The following STOX1 variants were observed in gnomAD, a reference collection of about 807,000 sequenced individuals.
STOX1 encodes the protein storkhead-box protein 1.
A neutral mutation model predicts 74.8 loss-of-function variants in STOX1; 57 were observed. The ratio of observed to expected loss-of-function variants is 0.76; its 90% CI spans 0.62 to 0.95. STOX1 has a LOEUF of 0.95. STOX1 is among the 40% of genes least tolerant of loss of function. The pLI, the probability that STOX1 is intolerant of heterozygous loss-of-function variation, is 0.00. For synonymous variants in STOX1, 375 were observed against 401.3 expected (o/e 0.93, Z 0.78); for missense variants, 1,010 against 1,117.0 (o/e 0.90, Z 1.37).
In STOX1 at chr10:68,882,063, T is replaced by C. The variant is rs1239501064; in HGVS notation, c.416T>C (p.Val139Ala). The C allele has an allele frequency of 3.1e-6, 5 of 1,613,842 alleles. No individual in the cohort carries two copies. The highest frequency in any genetic ancestry group is 4.2e-6 in the Non-Finnish European group (5 of 1,179,922). The change falls in exon 2 of 4, where the codon GTA becomes GCA. Residue 139 changes from valine to alanine, a missense_variant. Coordinates refer to ENST00000298596, the MANE Select transcript of STOX1 (RefSeq NM_152709.5). ...TCTGATATGAATACAGCTCAGATTG[T>C]AGTAACGCAGGAATCACTTTTGGAG... Reference protein sequence around the residue: ...AISDMNTAQIVVTQESLLERL... With the variant: ...AISDMNTAQIAVTQESLLERL...
At chr10:68,893,836 G>A (rs1589241533), downstream of STOX1, among the ~76,000 whole-genome samples, 7 of 152,292 alleles carry the variant, frequency 4.6e-5, no homozygotes, top group South Asian at 1.2e-3. Flanking sequence ...TGAATGAGAG[G>A]TTTAGAGAAA....
At chr10:68,829,675 C>G (rs1839356335) in intron 1 of STOX1, among the ~76,000 whole-genome samples, 2 of 152,118 alleles carry the variant, frequency 1.3e-5, no homozygotes, top group Non-Finnish European at 2.9e-5. Flanking sequence ...TGCTTTAAAC[C>G]TTCACTTCTC....
intron 1 of STOX1, among the ~76,000 whole-genome samples, chr10:68,878,924 C>T (rs1840744585): frequency 6.6e-6 from 1 of 152,180 alleles, no homozygotes; most frequent in African/African-American, 2.4e-5. Context: ...TGGTTAGCTA[C>T]TTTAACATTG....
intron 1 of STOX1, among the ~76,000 whole-genome samples, chr10:68,852,557 C>T (rs907357180): frequency 4.0e-5 from 6 of 151,490 alleles, no homozygotes; most frequent in South Asian, 2.1e-4. Flanking sequence ...CGCGCCTGGC[C>T]CTCTTACTGC....
chr10:68,858,549 T>C (rs1038524079), intron 1 of STOX1, among the ~76,000 whole-genome samples: 1 of 152,182 alleles, frequency 6.6e-6, no homozygotes, highest in African/African-American at 2.4e-5. Context: ...AAGTGGCTTT[T>C]ATCTTTTAAA....
Position 68,844,596 on chromosome 10 carries a change from G to A in STOX1, c.310+16663G>A, listed in dbSNP as rs570528173. Among the ~76,000 whole-genome samples, 8 of 152,144 alleles carry A rather than the reference G, an allele frequency of 5.3e-5. No homozygotes were observed. The South Asian group carries it at 6.2e-4, about 12-fold the overall frequency. On this transcript the variant is annotated intron_variant, in intron 1 of 3. Coordinates refer to ENST00000298596, the MANE Select transcript of STOX1 (RefSeq NM_152709.5). Reference sequence around the variant, plus strand: ...TTATAGGCATGAGCCACCATGCCTCGCCTGTATCTTCTTTAATAAGTGTCT... The same window carrying A: ...TTATAGGCATGAGCCACCATGCCTCACCTGTATCTTCTTTAATAAGTGTCT...
In STOX1 at chr10:68,886,442, T is replaced by C; in HGVS notation, c.2646T>C (p.Ala882=). 1 of 1,614,208 alleles carries C rather than the reference T, an allele frequency of 6.2e-7. No individual in the cohort carries two copies. Among genetic ancestry groups the C allele is most frequent in the Non-Finnish European group, 8.5e-7 (1 of 1,180,032 alleles). Reference sequence around the variant, plus strand: ...TTGGTGACACAGGAAAGAAGCCAGCTAGCTGGAGTCAGAGTCCTCAGAATC... The same window carrying C: ...TTGGTGACACAGGAAAGAAGCCAGCCAGCTGGAGTCAGAGTCCTCAGAATC... The part of the protein sequence containing the change: ...DTIGDTGKKP[A]SWSQSPQNQE... The change falls in exon 3 of 4, where the codon GCT becomes GCC. Residue 882 remains alanine (A), a synonymous_variant. Coordinates refer to ENST00000298596, the MANE Select transcript of STOX1 (RefSeq NM_152709.5).
At chr10:68,835,506 G>C (rs1839524966) in intron 1 of STOX1, among the ~76,000 whole-genome samples, 1 of 151,954 alleles carries the variant, frequency 6.6e-6, no homozygotes, top group Non-Finnish European at 1.5e-5. Context: ...TTTATTTTTT[G>C]TAGAGATGGA....
chr10:68,879,457 A>T (rs1840756650), intron 1 of STOX1, among the ~76,000 whole-genome samples: 1 of 152,090 alleles, frequency 6.6e-6, no homozygotes. Context: ...TTTGTAAGCT[A>T]GCCTCTCTAC....
At chr10:68,887,774 T>C (rs929013417) in intron 3 of STOX1, among the ~76,000 whole-genome samples, 2 of 151,326 alleles carry the variant, frequency 1.3e-5, no homozygotes, top group Non-Finnish European at 2.9e-5. Context: ...TTGTATTTTT[T>C]AGTAGAGACG....
At chr10:68,884,064 C>T (rs1469773457) in intron 2 of STOX1, among the ~76,000 whole-genome samples, 196 bp from the exon 3 acceptor site, 8 of 152,314 alleles carry the variant, frequency 5.3e-5, no homozygotes, top group South Asian at 4.1e-4. Flanking sequence ...AGTGATCCTC[C>T]TGCCTCAGCC....
At chr10:68,851,313 AAAAG>A (rs1475324054) in intron 1 of STOX1, among the ~76,000 whole-genome samples, 156 of 152,026 alleles carry the variant, frequency 1.0e-3, no homozygotes, top group African/African-American at 3.4e-3. Context: ...AAAAAAAAAA[AAAAG>A]AAAAAAGAGT....
intron 1 of STOX1, among the ~76,000 whole-genome samples, chr10:68,831,258 G>C (rs1338666759): frequency 6.6e-6 from 1 of 152,086 alleles, no homozygotes; most frequent in Non-Finnish European, 1.5e-5. Context: ...CGCAATCTCA[G>C]CTCACCGCAA....
intron 1 of STOX1, among the ~76,000 whole-genome samples, chr10:68,873,094 T>C (rs2131979533): frequency 6.6e-6 from 1 of 152,008 alleles, no homozygotes; most frequent in Non-Finnish European, 1.5e-5. Flanking sequence ...ACTGCAGCCT[T>C]GAACTCCTAG....
chr10:68,867,180 C>T (rs974085476), intron 1 of STOX1, among the ~76,000 whole-genome samples: 3 of 151,934 alleles, frequency 2.0e-5, no homozygotes, highest in East Asian at 1.9e-4. Flanking sequence ...CTCCTGACCT[C>T]GTGATCCGCC....
rs1341667 is a variant in STOX1, at chr10:68,882,104, T to C, written c.457T>C (p.Tyr153His). 0.63 allele frequency: 1,023,091 copies of C among 1,612,536 alleles called. 329,106 individuals are homozygous for C. The highest frequency in any genetic ancestry group is 0.85 in the East Asian group (37,966 of 44,780). Residue 153 changes from tyrosine to histidine, a missense_variant, in exon 2 of 4, where the codon TAC becomes CAC. Physicochemically the swap from Tyr to His is moderately conservative, Grantham distance 83. Coordinates refer to ENST00000298596, the MANE Select transcript of STOX1 (RefSeq NM_152709.5). ...ACTTTTGGAGCGTTTGATGAAACAT[T>C]ACCCAGGTAGAGTAATAAATTTTTG... is the stretch of plus-strand genomic sequence containing the variant. The part of the protein sequence containing the change: ...ESLLERLMKH[Y>H]PGIAIPSEDI...
Position 68,885,281 on chromosome 10 carries a change from T to A in STOX1, c.1485T>A (p.Asn495Lys). 6.2e-7 allele frequency: 1 copy of A among 1,614,206 alleles called. No individual in the cohort carries two copies. Residue 495 changes from asparagine (N) to lysine (K), a missense_variant, in exon 3 of 4, where the codon AAT becomes AAA. Asn to Lys is a moderately conservative substitution (Grantham distance 94, BLOSUM62 0). Transcript: ENST00000298596. ...SHLIYKKRIS[N>K]PFQGLSHRGS... ...TGATTTACAAAAAGCGAATCAGTAA[T>A]CCTTTCCAGGGTTTGTCTCACCGAG...
chr10:68,884,759 T>C lies in STOX1; in HGVS notation c.963T>C (p.Ser321=). Residue 321 remains serine (S), a synonymous_variant, in exon 3 of 4, where the codon TCT becomes TCC. Coordinates refer to ENST00000298596, the MANE Select transcript of STOX1 (RefSeq NM_152709.5). ...FGFSLLWRSL[S]RKEKPKTEHS... is the part of the protein sequence containing the mutation. ...TTAGTCTCTTATGGCGCAGCTTATC[T>C]AGAAAGGAGAAGCCCAAAACAGAAC... 1 of 1,614,196 alleles carries C rather than the reference T, an allele frequency of 6.2e-7. No homozygotes were observed. Among genetic ancestry groups the C allele is most frequent in the South Asian group, 1.1e-5 (1 of 91,082 alleles).
intron 1 of STOX1, among the ~76,000 whole-genome samples, chr10:68,842,343 G>A (rs1004207606): frequency 3.9e-5 from 6 of 152,100 alleles, no homozygotes; most frequent in African/African-American, 1.4e-4. Context: ...CTTTTACAAT[G>A]TAGAGAAATT....
Sources: gnomAD v4.1 joint callset for allele counts (sites outside exome capture counted in the v4.1 genomes callset) on GRCh38, gnomAD v4.1.1 for gene constraint, MANE v1.5 for transcripts, NCBI Gene and HGNC (gene_info 2026-07-23, HGNC 2026-07-21) for gene names.